Variants in INTS9 observed in about 807,000 individuals in gnomAD.
INTS9 encodes the protein integrator complex subunit 9.
Under a neutral mutation model 79.7 loss-of-function variants are expected in INTS9, and 55 were observed. The observed-to-expected ratio is 0.69, with a 90% confidence interval of 0.56 to 0.86. INTS9 has a LOEUF of 0.86. Ranked by LOEUF, INTS9 falls within the 40% of genes least tolerant of loss-of-function variation. The pLI, the probability that INTS9 is intolerant of heterozygous loss-of-function variation, is 0.00. For missense variants in INTS9, 721 were observed against 831.5 expected, an observed-to-expected ratio of 0.87 and a Z score of 1.64; for synonymous variants, 319 against 325.2, an observed-to-expected ratio of 0.98 and a Z score of 0.20.
intron 6 of INTS9, among the ~76,000 whole-genome samples, chr8:28,832,379 TACATCCCCAA>T (rs1806545092): frequency 6.6e-6 from 1 of 152,160 alleles, no homozygotes; most frequent in Non-Finnish European, 1.5e-5. Context: ...GCCCACACCA[TACATCCCCAA>T]ACAAGGAAAC....
At chr8:28,831,950 C>T (rs1420357404) in intron 6 of INTS9, among the ~76,000 whole-genome samples, 2 of 152,160 alleles carry the variant, frequency 1.3e-5, no homozygotes, top group African/African-American at 4.8e-5. Context: ...AGTGATCTGC[C>T]CGCATCAGCC....
intron 8 of INTS9, among the ~76,000 whole-genome samples, chr8:28,806,923 A>G (rs1003925118): frequency 3.3e-5 from 5 of 152,200 alleles, no homozygotes; most frequent in African/African-American, 1.2e-4. Flanking sequence ...CAAACACTGA[A>G]ACACACTTAG....
intron 3 of INTS9, among the ~76,000 whole-genome samples, chr8:28,847,815 A>G (rs1466403447): frequency 1.3e-5 from 2 of 152,224 alleles, no homozygotes; most frequent in Non-Finnish European, 2.9e-5. Context: ...GCACTGAGCC[A>G]CATACAACTT....
chr8:28,853,181 G>A (rs367563463), intron 2 of INTS9, among the ~76,000 whole-genome samples: 14 of 152,300 alleles, frequency 9.2e-5, no homozygotes, highest in African/African-American at 2.4e-4. Context: ...TTGGGAGGCC[G>A]AGGCGGATGG....
At chr8:28,795,576 G>C (rs549403309) in intron 9 of INTS9, among the ~76,000 whole-genome samples, 2 of 149,014 alleles carry the variant, frequency 1.3e-5, no homozygotes, top group Non-Finnish European at 3.0e-5. Context: ...GGAGGCGGAG[G>C]TTGCAGTGAG....
At chr8:28,836,501 A>T (rs1015893284) in intron 5 of INTS9, among the ~76,000 whole-genome samples, 5 of 152,198 alleles carry the variant, frequency 3.3e-5, no homozygotes, top group African/African-American at 1.2e-4. Flanking sequence ...ATGTATTAGC[A>T]TTTGAAAACT....
intron 12 of INTS9, 88 bp from the exon 13 acceptor site, chr8:28,778,041 A>G: frequency 7.1e-7 from 1 of 1,413,626 alleles, no homozygotes; most frequent in Non-Finnish European, 9.5e-7. Flanking sequence ...GAGGGCCCAC[A>G]GACAGTCAGG....
At chr8:28,856,744 A>C (rs955766173) in intron 2 of INTS9, among the ~76,000 whole-genome samples, 1 of 152,190 alleles carries the variant, frequency 6.6e-6, no homozygotes, top group African/African-American at 2.4e-5. Context: ...TTAGATTCAT[A>C]GGGTACATGT....
intron 6 of INTS9, among the ~76,000 whole-genome samples, chr8:28,828,976 C>T (rs1315827378): frequency 6.6e-6 from 1 of 152,164 alleles, no homozygotes; most frequent in African/African-American, 2.4e-5. Context: ...AGCCACCACG[C>T]CCAGCCAGTT....
intron 1 of INTS9, among the ~76,000 whole-genome samples, chr8:28,878,978 CAAA>C (rs34599728): frequency 7.0e-6 from 1 of 143,472 alleles, no homozygotes; most frequent in Non-Finnish European, 1.5e-5. Context: ...GACTTCGTCT[CAAA>C]AAAAAAAAAA....
In INTS9 at chr8:28,873,561, GA is replaced by G. The variant is rs1187229143; in HGVS notation, c.10-13999del. ...TGTAAGTCAGAATAGTGATTAACTG[GA>G]GGGAAAATTATTGACTGGGAAGGAA... On this transcript the variant is annotated intron_variant, in intron 1 of 16. Coordinates refer to ENST00000521022, the MANE Select transcript of INTS9 (RefSeq NM_018250.4). Among the ~76,000 whole-genome samples, 17 of 152,200 alleles carry G rather than the reference GA, an allele frequency of 1.1e-4. 1 individual carries two copies.
At chr8:28,882,532 T>TAAAAAAAAAAAAA (rs369293166) in intron 1 of INTS9, among the ~76,000 whole-genome samples, 4 of 63,298 alleles carry the variant, frequency 6.3e-5, no homozygotes, top group Admixed American at 1.6e-4. Context: ...TATTAACAGC[T>TAAAAAAAAAAAAA]AAAAAAAAAA....
chr8:28,789,938 CAG>C (rs1236675121), intron 10 of INTS9, among the ~76,000 whole-genome samples: 2 of 152,138 alleles, frequency 1.3e-5, no homozygotes, highest in Non-Finnish European at 2.9e-5. Flanking sequence ...TCCAAAAGAT[CAG>C]AGAGGTCTTT....
At chr8:28,831,721 C>CA (rs1806498356) in intron 6 of INTS9, among the ~76,000 whole-genome samples, 2 of 152,020 alleles carry the variant, frequency 1.3e-5, no homozygotes. Context: ...TTTTTTTAGA[C>CA]AGAGTCTCGC....
chr8:28,868,851 C>T (rs1307956884), intron 1 of INTS9, among the ~76,000 whole-genome samples: 1 of 152,028 alleles, frequency 6.6e-6, no homozygotes, highest in Non-Finnish European at 1.5e-5. Flanking sequence ...GGCTGTAATC[C>T]CAGCACTTTG....
intron 1 of INTS9, chr8:28,862,269 A>C: frequency 1.1e-6 from 1 of 944,808 alleles, no homozygotes; most frequent in Non-Finnish European, 1.3e-6. Context: ...AATCACACCA[A>C]TCTGATTATC....
chr8:28,852,993 T>C (rs74924761), intron 2 of INTS9, among the ~76,000 whole-genome samples: 2,451 of 152,354 alleles, frequency 0.016, 70 homozygotes, highest in African/African-American at 0.056. Flanking sequence ...CAATGAGTTA[T>C]CAAATAAACC....
chr8:28,847,962 A>T (rs1042798848), intron 3 of INTS9, among the ~76,000 whole-genome samples: 1 of 152,188 alleles, frequency 6.6e-6, no homozygotes, highest in Admixed American at 6.5e-5. Flanking sequence ...CTCAGGAAAA[A>T]ACTCTCAGGC....
intron 1 of INTS9, among the ~76,000 whole-genome samples, chr8:28,887,328 T>C (rs183614325): frequency 5.9e-5 from 9 of 152,232 alleles, no homozygotes; most frequent in African/African-American, 1.7e-4. Flanking sequence ...AAGAATGAAT[T>C]TGAGAGGGTT....
Sources: gnomAD v4.1 joint callset for allele counts (sites outside exome capture counted in the v4.1 genomes callset) on GRCh38, gnomAD v4.1.1 for gene constraint, MANE v1.5 for transcripts, NCBI Gene and HGNC (gene_info 2026-07-23, HGNC 2026-07-21) for gene names.